The following ELF4 variants were observed in gnomAD, a reference collection of about 807,000 sequenced individuals.
ELF4 encodes the protein E74 like ETS transcription factor 4, also known as ETS-related transcription factor Elf-4.
In ELF4, 10 loss-of-function variants were observed where a neutral mutation model predicts 31.7. The observed-to-expected ratio is 0.32, with a 90% confidence interval of 0.19 to 0.54. ELF4 has a LOEUF of 0.54. Among genes scored for constraint, ELF4 ranks in the 20% least tolerant of loss-of-function variants. The pLI is 0.95. For missense variants in ELF4, 418 were observed against 522.0 expected (o/e 0.80, Z 1.94); for synonymous variants, 208 against 226.7 (o/e 0.92, Z 0.74).
intron 1 of ELF4, among the ~76,000 whole-genome samples, chrX:130,093,191 G>A (rs924603011): frequency 9.2e-6 from 1 of 108,905 alleles, no homozygotes; most frequent in Admixed American, 9.9e-5. Flanking sequence ...TATAATCCCA[G>A]CTACTTGGGA....
At chrX:130,069,255 C>T (rs1296278766) in intron 8 of ELF4, 45 bp downstream of exon 8, 3 of 1,179,494 alleles carry the variant, frequency 2.5e-6, no homozygotes, top group African/African-American at 3.6e-5. Flanking sequence ...TGAACCCCAA[C>T]ATGATGTACT....
At chrX:130,091,628 G>C (rs1322200008) in intron 1 of ELF4, among the ~76,000 whole-genome samples, 1 of 110,999 alleles carries the variant, frequency 9.0e-6, no homozygotes, top group Non-Finnish European at 1.9e-5. Flanking sequence ...AGAGCACTTG[G>C]GGATGGAGGT....
intron 1 of ELF4, among the ~76,000 whole-genome samples, chrX:130,084,401 G>T (rs757578689): frequency 8.9e-6 from 1 of 112,496 alleles, no homozygotes; most frequent in Non-Finnish European, 1.9e-5. Context: ...GTGGGGGAGG[G>T]AGGCAGCCAG....
At chrX:130,082,237 G>A (rs1432568768) in intron 1 of ELF4, among the ~76,000 whole-genome samples, 1 of 110,846 alleles carries the variant, frequency 9.0e-6, no homozygotes, top group Admixed American at 9.5e-5. Flanking sequence ...CCTGCTCTCA[G>A]GGATGGGACT....
At position 130,067,668 on chromosome X, in the gene ELF4, G is replaced by A; in HGVS notation, c.1188-143C>T. ...GTTTTTTTCTTTTTCTAGAGACAGGGTCTCACTCTGCTGCCCGGGATGGAG... is the reference window on the plus strand; with the variant it reads ...GTTTTTTTCTTTTTCTAGAGACAGGATCTCACTCTGCTGCCCGGGATGGAG... On this transcript the variant is annotated intron_variant, in intron 8 of 8. Transcript: ENST00000308167. 6.3e-6 allele frequency: 4 copies of A among 637,105 alleles called. No individual in the cohort carries two copies. The South Asian group carries it at 7.5e-5, about 12-fold the overall frequency. 52.5% of individuals were successfully genotyped at this position (637,105 alleles called of 1,213,427 possible).
rs998013716 is a variant in ELF4 at position 130,065,379 on chromosome X, G to C, written c.*1342C>G. The C allele has an allele frequency of 1.2e-5, 2 of 173,591 alleles. No individual in the cohort carries two copies. Among genetic ancestry groups the C allele is most frequent in the Non-Finnish European group, 2.2e-5 (2 of 91,170 alleles). The allele number at this position is 173,591 out of a possible 1,213,427, so 14.3% of individuals were successfully genotyped here. On this transcript the variant is annotated 3_prime_UTR_variant, in exon 9 of 9. Transcript: ENST00000308167. The stretch of plus-strand genomic sequence containing the variant: ...AGGGAAGGGGGAAGCAGGGAGCCAC[G>C]AAGAGAGAGAGGTGCCACGGGAACT...
At chrX:130,081,814 A>G (rs1939473600) in intron 1 of ELF4, among the ~76,000 whole-genome samples, 1 of 112,094 alleles carries the variant, frequency 8.9e-6, no homozygotes, top group African/African-American at 3.2e-5. Flanking sequence ...ATCTCGCACT[A>G]GTCCCAAAGA....
intron 1 of ELF4, among the ~76,000 whole-genome samples, chrX:130,105,277 T>A (rs1488083958): frequency 8.9e-6 from 1 of 112,013 alleles, no homozygotes; most frequent in Non-Finnish European, 1.9e-5. Context: ...TTCTGGCACT[T>A]TCCCTTGCAG....
chrX:130,074,987 G>A (rs748790468), intron 2 of ELF4, among the ~76,000 whole-genome samples: 1 of 99,880 alleles, frequency 1.0e-5, no homozygotes, highest in South Asian at 4.5e-4. Flanking sequence ...TTTTTTTTTT[G>A]AGATAGAGCC....
intron 1 of ELF4, among the ~76,000 whole-genome samples, chrX:130,092,267 C>A (rs1354835109): frequency 8.8e-6 from 1 of 113,457 alleles, no homozygotes; most frequent in African/African-American, 3.2e-5. Flanking sequence ...CCCTTCTCTG[C>A]CACTTCCTGT....
intron 1 of ELF4, among the ~76,000 whole-genome samples, chrX:130,098,379 C>T (rs1009763452): frequency 2.7e-5 from 3 of 111,746 alleles, no homozygotes; most frequent in African/African-American, 6.5e-5. Context: ...CCAGAGATGA[C>T]GGTGGGTAGC....
chrX:130,105,341 G>C (rs1933358196), intron 1 of ELF4, among the ~76,000 whole-genome samples: 1 of 111,492 alleles, frequency 9.0e-6, no homozygotes. Context: ...CCTCACCCTG[G>C]AAGCAGGCTG....
At chrX:130,088,635 C>T (rs1214191304) in intron 1 of ELF4, among the ~76,000 whole-genome samples, 1 of 111,106 alleles carries the variant, frequency 9.0e-6, no homozygotes, top group Non-Finnish European at 1.9e-5. Flanking sequence ...ATCGCTTGAA[C>T]CTGGGAGGGG....
Position 130,066,132 on chromosome X carries a change from A to C in ELF4, c.*589T>G. The stretch of plus-strand genomic sequence containing the variant: ...ATTCGGAGGATCAAACTTGTACCCC[A>C]TAGTCTCAGAGCAACTGAATCTCGG... On this transcript the variant is annotated 3_prime_UTR_variant, in exon 9 of 9. Transcript: ENST00000308167. 4 of 175,887 alleles carry C rather than the reference A, an allele frequency of 2.3e-5. No homozygotes were observed. The highest frequency in any genetic ancestry group is 4.4e-5 in the Non-Finnish European group (4 of 91,802). 14.5% of individuals were successfully genotyped at this position (175,887 alleles called of 1,213,427 possible).
intron 2 of ELF4, among the ~76,000 whole-genome samples, chrX:130,081,015 A>T (rs184116802): frequency 8.9e-6 from 1 of 112,978 alleles, no homozygotes; most frequent in African/African-American, 3.2e-5. Flanking sequence ...CAATGATTGC[A>T]TGTGGGCAAC....
intron 1 of ELF4, among the ~76,000 whole-genome samples, chrX:130,094,577 A>AG (rs1278925635): frequency 9.3e-6 from 1 of 107,014 alleles, no homozygotes; most frequent in African/African-American, 3.4e-5. Flanking sequence ...AAAAAAAAAA[A>AG]AGAGAGAGAG....
chrX:130,086,741 C>T (rs190616576), intron 1 of ELF4, among the ~76,000 whole-genome samples: 2 of 112,800 alleles, frequency 1.8e-5, no homozygotes, highest in East Asian at 2.8e-4. Context: ...AATTAAAAAG[C>T]GTTCATCCAG....
chrX:130,071,242 G>A lies in ELF4; in HGVS notation c.617-10C>T. 8.3e-7 allele frequency: 1 copy of A among 1,209,905 alleles called. No individual in the cohort carries two copies. The highest frequency in any genetic ancestry group is 1.1e-6 in the Non-Finnish European group (1 of 895,166). ...AGATAGATGGTGCTGCCTGCAGAGGGGCAGGCCGTGAGGGGCAGCCTGGGC... is the reference window on the plus strand; with the variant it reads ...AGATAGATGGTGCTGCCTGCAGAGGAGCAGGCCGTGAGGGGCAGCCTGGGC... On this transcript the variant is annotated splice_polypyrimidine_tract_variant and intron_variant, in intron 6 of 8. Transcript: ENST00000308167.
At chrX:130,069,259 A>G in intron 8 of ELF4, 41 bp downstream of exon 8, 1 of 1,197,768 alleles carries the variant, frequency 8.3e-7, no homozygotes, top group African/African-American at 1.8e-5. Context: ...CCCCAACATG[A>G]TGTACTATGT....
Sources: allele counts gnomAD v4.1 joint callset (sites outside exome capture counted in the v4.1 genomes callset), GRCh38; gene constraint gnomAD v4.1.1; transcripts MANE v1.5; gene names NCBI Gene and HGNC (gene_info 2026-07-23, HGNC 2026-07-21).